The following NFIA variants were observed in gnomAD, a reference collection of about 807,000 sequenced individuals.
The protein encoded by NFIA is nuclear factor 1 A-type.
In NFIA, 8 loss-of-function variants were observed where a neutral mutation model predicts 62.8. That is an observed-to-expected ratio of 0.13 (90% CI 0.07 to 0.23). The LOEUF (loss-of-function observed/expected upper bound fraction) is 0.23. NFIA is among the 10% of genes least tolerant of loss of function. The pLI is 1.00. For synonymous variants in NFIA, 235 were observed against 238.1 expected (o/e 0.99, Z 0.12); for missense variants, 410 against 642.1 (o/e 0.64, Z 3.91).
intron 1 of NFIA, among the ~76,000 whole-genome samples, chr1:61,086,098 A>C (rs1307475816): frequency 6.6e-6 from 1 of 152,164 alleles, no homozygotes; most frequent in East Asian, 1.9e-4. Flanking sequence ...TTGCATTATA[A>C]AATGGGGATG....
At chr1:61,131,025 A>C (rs1344880406) in intron 2 of NFIA, among the ~76,000 whole-genome samples, 2 of 152,166 alleles carry the variant, frequency 1.3e-5, no homozygotes, top group Non-Finnish European at 2.9e-5. Context: ...CAGTGGGGCA[A>C]CATTTTATAT....
chr1:61,255,807 C>T (rs1251980504), intron 2 of NFIA, among the ~76,000 whole-genome samples: 1 of 152,154 alleles, frequency 6.6e-6, no homozygotes, highest in East Asian at 1.9e-4. Flanking sequence ...TTCTTACTAT[C>T]ATACAATTTA....
chr1:61,222,442 T>C (rs1009494564), intron 2 of NFIA, among the ~76,000 whole-genome samples: 1 of 152,124 alleles, frequency 6.6e-6, no homozygotes, highest in East Asian at 1.9e-4. Context: ...ATCTGTTACA[T>C]GCAGATGTAT....
At chr1:61,312,012 G>T (rs762498503) in intron 3 of NFIA, among the ~76,000 whole-genome samples, 2 of 152,130 alleles carry the variant, frequency 1.3e-5, no homozygotes, top group Non-Finnish European at 2.9e-5. Flanking sequence ...TTCCTCTCCC[G>T]TGGCCTTTAC....
At chr1:61,359,634 A>G (rs1193933765) in intron 6 of NFIA, among the ~76,000 whole-genome samples, 1 of 152,008 alleles carries the variant, frequency 6.6e-6, no homozygotes, top group East Asian at 1.9e-4. Context: ...GGGCTGGAGT[A>G]CAGTGGCATG....
intron 2 of NFIA, among the ~76,000 whole-genome samples, chr1:61,197,754 G>A (rs1652132893): frequency 6.6e-6 from 1 of 151,724 alleles, no homozygotes; most frequent in African/African-American, 2.4e-5. Flanking sequence ...GGCTGAGGCA[G>A]GCAGATCACC....
intron 2 of NFIA, among the ~76,000 whole-genome samples, chr1:61,213,162 A>T (rs78278433): frequency 0.015 from 2,213 of 152,268 alleles, 27 homozygotes; most frequent in Non-Finnish European, 0.021. Flanking sequence ...ATTTAAAGTG[A>T]CCCAAGTTTG....
intron 10 of NFIA, among the ~76,000 whole-genome samples, chr1:61,442,066 A>C (rs1329916387): frequency 6.6e-6 from 1 of 152,080 alleles, no homozygotes; most frequent in Non-Finnish European, 1.5e-5. Context: ...ATACTGTCAA[A>C]TCTGGACTAT....
chr1:61,183,024 A>G (rs1041007881), intron 2 of NFIA, among the ~76,000 whole-genome samples: 1 of 152,124 alleles, frequency 6.6e-6, no homozygotes, highest in African/African-American at 2.4e-5. Flanking sequence ...TCCTAATTAG[A>G]GATCGTAATC....
At position 61,287,999 on chromosome 1, in the gene NFIA, G is replaced by A. The variant is rs117151148; in HGVS notation, c.625+10414G>A. On this transcript the variant is annotated intron_variant, in intron 3 of 10. Coordinates refer to ENST00000403491, the MANE Select transcript of NFIA (RefSeq NM_001134673.4). ...TGGCTGCTTAAATTCCATTCCTTCC[G>A]CATCTGCTGGTACCTAGCCCAGTAG... Among the ~76,000 whole-genome samples, 184 of 152,210 alleles carry A rather than the reference G, an allele frequency of 1.2e-3. 3 individuals are homozygous for A. In the East Asian group the frequency reaches 0.029, roughly 24 times the overall value.
intron 3 of NFIA, among the ~76,000 whole-genome samples, chr1:61,301,540 C>T (rs1372475791): frequency 6.6e-6 from 1 of 152,056 alleles, no homozygotes; most frequent in Non-Finnish European, 1.5e-5. Context: ...CAGGATTGGC[C>T]TTACAAGGTA....
At chr1:61,375,129 T>C (rs545101027) in intron 6 of NFIA, among the ~76,000 whole-genome samples, 2 of 152,336 alleles carry the variant, frequency 1.3e-5, no homozygotes, top group Admixed American at 1.3e-4. Flanking sequence ...TTACAAGGTA[T>C]ACTTTAAATG....
chr1:61,119,161 T>C (rs1646844068), intron 2 of NFIA, among the ~76,000 whole-genome samples: 1 of 152,184 alleles, frequency 6.6e-6, no homozygotes, highest in African/African-American at 2.4e-5. Flanking sequence ...CTTAAATATT[T>C]GCACGTATAA....
At chr1:61,389,121 A>AC (rs2100495729) in intron 7 of NFIA, among the ~76,000 whole-genome samples, 1 of 152,234 alleles carries the variant, frequency 6.6e-6, no homozygotes, top group East Asian at 1.9e-4. Flanking sequence ...AACAACAACA[A>AC]AAAAAAGCAA....
intron 2 of NFIA, among the ~76,000 whole-genome samples, chr1:61,089,917 A>G (rs1646290436): frequency 6.6e-6 from 1 of 152,112 alleles, no homozygotes. Context: ...CAAGCATGTC[A>G]CATCATCATT....
At chr1:61,307,441 G>C (rs568559937) in intron 3 of NFIA, among the ~76,000 whole-genome samples, 1 of 152,150 alleles carries the variant, frequency 6.6e-6, no homozygotes, top group East Asian at 1.9e-4. Flanking sequence ...GATTTCTGTT[G>C]TTTATAAGCT....
chr1:61,291,900 C>T (rs1337668531), intron 3 of NFIA, among the ~76,000 whole-genome samples: 7 of 152,010 alleles, frequency 4.6e-5, no homozygotes, highest in Non-Finnish European at 8.8e-5. Context: ...TTATGTATTA[C>T]ATTATTGAGT....
chr1:61,259,013 G>C (rs562908006), intron 2 of NFIA, among the ~76,000 whole-genome samples: 9 of 152,316 alleles, frequency 5.9e-5, no homozygotes, highest in African/African-American at 1.9e-4. Flanking sequence ...AAGCCACCAT[G>C]CCTGGCCAGG....
chr1:61,134,080 G>A (rs1647131459), intron 2 of NFIA, among the ~76,000 whole-genome samples: 1 of 152,130 alleles, frequency 6.6e-6, no homozygotes. Flanking sequence ...GAGCACTCCA[G>A]CCTGGGTGAC....
Sources: gnomAD v4.1 joint callset for allele counts (sites outside exome capture counted in the v4.1 genomes callset) on GRCh38, gnomAD v4.1.1 for gene constraint, MANE v1.5 for transcripts, NCBI Gene and HGNC (gene_info 2026-07-23, HGNC 2026-07-21) for gene names.